Variants in AMOTL1 observed in about 807,000 individuals in gnomAD.
AMOTL1 encodes angiomotin like 1.
A neutral mutation model predicts 102.9 loss-of-function variants in AMOTL1; 45 were observed. The observed-to-expected ratio is 0.44, with a 90% CI of 0.34 to 0.56. AMOTL1 has a LOEUF of 0.56. AMOTL1 is among the 20% of genes least tolerant of loss of function. AMOTL1 has a pLI of 0.01. For missense variants in AMOTL1, 1,114 were observed against 1,225.6 expected (o/e 0.91, Z 1.36); for synonymous variants, 481 against 484.7 (o/e 0.99, Z 0.10).
chr11:94,858,009 TA>T (rs1039547761), intron 8 of AMOTL1, among the ~76,000 whole-genome samples: 6 of 152,066 alleles, frequency 3.9e-5, no homozygotes, highest in African/African-American at 1.2e-4. Context: ...TGACCTGAAT[TA>T]GGGGGGGCTA....
intron 8 of AMOTL1, 102 bp from the exon 9 acceptor site, chr11:94,859,423 A>G: frequency 8.6e-7 from 1 of 1,164,766 alleles, no homozygotes; most frequent in Non-Finnish European, 1.2e-6. Context: ...TGGTGTGTGA[A>G]TTGCTGCAGG....
At chr11:94,785,642 C>T (rs992049330) in intron 1 of AMOTL1, among the ~76,000 whole-genome samples, 17 of 152,178 alleles carry the variant, frequency 1.1e-4, no homozygotes, top group Non-Finnish European at 1.9e-4. Context: ...GAGAGAGTCC[C>T]AGTCCCTGTG....
At chr11:94,749,181 CATG>C (rs1427051245) in intron 3 of AMOTL1, among the ~76,000 whole-genome samples, 1 of 152,238 alleles carries the variant, frequency 6.6e-6, no homozygotes, top group Non-Finnish European at 1.5e-5. Flanking sequence ...AACCATGGAA[CATG>C]ATGATGTAAC....
intron 4 of AMOTL1, among the ~76,000 whole-genome samples, chr11:94,829,310 C>T (rs1352095344): frequency 6.6e-6 from 1 of 151,394 alleles, no homozygotes; most frequent in Non-Finnish European, 1.5e-5. Flanking sequence ...GCAACCTTCG[C>T]CTCCCAGGCT....
intron 12 of AMOTL1, among the ~76,000 whole-genome samples, chr11:94,869,691 C>T (rs978119120): frequency 1.3e-5 from 2 of 152,164 alleles, no homozygotes; most frequent in Admixed American, 1.3e-4. Context: ...AATGAGTGCA[C>T]GGCTTGAGAC....
upstream of AMOTL1, among the ~76,000 whole-genome samples, chr11:94,765,251 A>T (rs1157753598): frequency 6.6e-6 from 1 of 152,232 alleles, no homozygotes; most frequent in Non-Finnish European, 1.5e-5. Context: ...GAAGGCACAG[A>T]TGTGGACTGG....
rs954502005 is a variant in AMOTL1, at chr11:94,871,809, C to G, written c.*1014C>G. The G allele has an allele frequency of 6.6e-6, 1 of 152,126 alleles. No homozygotes were observed. Among genetic ancestry groups the G allele is most frequent in the African/African-American group, 2.4e-5 (1 of 41,402 alleles). 9.4% of individuals were successfully genotyped at this position (152,126 alleles called of 1,614,324 possible). A position where few individuals can be genotyped will look rare whatever the true frequency, so the allele number is the denominator to read the frequency against. On this transcript the variant is annotated 3_prime_UTR_variant, in exon 13 of 13. Coordinates refer to ENST00000433060, the MANE Select transcript of AMOTL1 (RefSeq NM_130847.3). The stretch of plus-strand genomic sequence containing the variant: ...TTCACATCGGCTGTCTTGCAAGGAG[C>G]TTGACATTTCCAAATTCCATTGCTC...
At chr11:94,800,413 C>G (rs1951455983) in intron 3 of AMOTL1, 102 bp downstream of exon 3, 1 of 1,300,826 alleles carries the variant, frequency 7.7e-7, no homozygotes, top group Non-Finnish European at 1.0e-6. Context: ...TGTCATCAGG[C>G]TTTTTTCCTT....
chr11:94,740,946 T>C (rs1950515015), exon 3 of AMOTL1: 2 of 1,288,712 alleles, frequency 1.6e-6, no homozygotes, highest in Admixed American at 4.6e-5. Flanking sequence ...AGACAGTGAG[T>C]TTGTGGAAGC....
At chr11:94,800,790 C>T (rs1951463338) in intron 3 of AMOTL1, among the ~76,000 whole-genome samples, 1 of 152,134 alleles carries the variant, frequency 6.6e-6, no homozygotes, top group Non-Finnish European at 1.5e-5. Context: ...AAACTAAAGC[C>T]TGGAGAGATT....
intron 4 of AMOTL1, among the ~76,000 whole-genome samples, chr11:94,826,151 G>C (rs1565369786): frequency 6.6e-6 from 1 of 152,114 alleles, no homozygotes. Context: ...AAATTACCCA[G>C]CCATGGTGAT....
intron 4 of AMOTL1, among the ~76,000 whole-genome samples, chr11:94,822,653 G>A (rs369732021): frequency 1.3e-5 from 2 of 152,130 alleles, no homozygotes. Context: ...AGTAATTCCA[G>A]CCTGTGTAGT....
At chr11:94,768,259 G>T, upstream of AMOTL1, 1 of 1,213,222 alleles carries the variant, frequency 8.2e-7, no homozygotes, top group Non-Finnish European at 1.0e-6. Context: ...CAGCGGCCGG[G>T]CGCCACGGCG....
chr11:94,733,976 A>G (rs1950396450), intron 2 of AMOTL1, among the ~76,000 whole-genome samples: 1 of 152,190 alleles, frequency 6.6e-6, no homozygotes, highest in African/African-American at 2.4e-5. Context: ...TCTGGACTAT[A>G]CTTGGTAACA....
rs138121742 is a variant in AMOTL1 at position 94,803,022 on chromosome 11, G to T, written c.1121+2711G>T. Among the ~76,000 whole-genome samples the T allele has an allele frequency of 4.1e-3, 629 of 152,314 alleles. 2 individuals are homozygous for T. The highest frequency in any genetic ancestry group is 7.2e-3 in the Non-Finnish European group (489 of 68,036). ...ATACGTACAACCACATAGACTCTTG[G>T]ACTAGAAAGAGACGCCTCTGATGGA... On this transcript the variant is annotated intron_variant, in intron 3 of 12. Coordinates refer to ENST00000433060, the MANE Select transcript of AMOTL1 (RefSeq NM_130847.3).
chr11:94,816,949 T>C (rs1951776631), intron 3 of AMOTL1, among the ~76,000 whole-genome samples: 1 of 152,170 alleles, frequency 6.6e-6, no homozygotes, highest in African/African-American at 2.4e-5. Flanking sequence ...TAACCATTAA[T>C]ACCAAACGCA....
intron 8 of AMOTL1, among the ~76,000 whole-genome samples, chr11:94,858,538 T>C (rs547607972): frequency 2.0e-5 from 3 of 152,304 alleles, no homozygotes; most frequent in Middle Eastern, 3.4e-3. Flanking sequence ...GGGTAAAGCA[T>C]TCATGTGCCT....
intron 6 of AMOTL1, among the ~76,000 whole-genome samples, chr11:94,849,466 A>G (rs768568726): frequency 6.6e-6 from 1 of 152,212 alleles, no homozygotes; most frequent in Non-Finnish European, 1.5e-5. Flanking sequence ...TTGGCTTCCC[A>G]TATGCAAAGA....
Position 94,871,177 on chromosome 11 carries a change from T to C in AMOTL1, c.*382T>C, listed in dbSNP as rs1952989111. 6.3e-6 allele frequency: 1 copy of C among 158,182 alleles called. No homozygotes were observed. Among genetic ancestry groups the C allele is most frequent in the Non-Finnish European group, 1.4e-5 (1 of 71,996 alleles). The allele number at this position is 158,182 out of a possible 1,614,324, so 9.8% of individuals were successfully genotyped here. ...CATCCTTGGAATACCCCCATTCTCC[T>C]TGCCTCTTAGCATGTTTGATTTAAG... On this transcript the variant is annotated 3_prime_UTR_variant, in exon 13 of 13. Transcript: ENST00000433060.
Sources: allele counts gnomAD v4.1 joint callset (sites outside exome capture counted in the v4.1 genomes callset), GRCh38; gene constraint gnomAD v4.1.1; transcripts MANE v1.5; gene names NCBI Gene and HGNC (gene_info 2026-07-23, HGNC 2026-07-21).